Variants in AMPD3 observed in about 807,000 individuals in gnomAD.
AMPD3 encodes adenosine monophosphate deaminase 3.
In AMPD3, 57 loss-of-function variants were observed where a neutral mutation model predicts 82.3. The observed-to-expected ratio is 0.69, with a 90% confidence interval of 0.56 to 0.86. The LOEUF (loss-of-function observed/expected upper bound fraction) is 0.86. AMPD3 is among the 40% of genes least tolerant of loss of function. The pLI, the probability that AMPD3 is intolerant of heterozygous loss-of-function variation, is 0.00. For synonymous variants in AMPD3, 381 were observed against 394.7 expected (o/e 0.97, Z 0.41); for missense variants, 870 against 1,003.8 (o/e 0.87, Z 1.80).
chr11:10,478,228 T>C, intron 2 of AMPD3: 1 of 985,430 alleles, frequency 1.0e-6, no homozygotes, highest in Non-Finnish European at 1.2e-6. Context: ...CCATGTGGTC[T>C]GCCATTTGTC....
In AMPD3 at chr11:10,507,440, A is replaced by G. The variant is rs1223587193; in HGVS notation, c.*1556A>G. On this transcript the variant is annotated 3_prime_UTR_variant, in exon 15 of 15. Coordinates refer to ENST00000396553, the MANE Select transcript of AMPD3 (RefSeq NM_001025389.2). ...TGAAATTGAATGAAAATCCATTGTT[A>G]TCTTAGGGATTAGTTTTGAAAAGCC... 6 of 151,838 alleles carry G rather than the reference A, an allele frequency of 4.0e-5. No homozygotes were observed. The highest frequency in any genetic ancestry group is 1.5e-4 in the African/African-American group (6 of 41,108). The allele number at this position is 151,838 out of a possible 1,614,324, so 9.4% of individuals were successfully genotyped here. A position where few individuals can be genotyped will look rare whatever the true frequency, so the allele number is the denominator to read the frequency against.
upstream of AMPD3, among the ~76,000 whole-genome samples, chr11:10,451,327 T>C (rs1847957495): frequency 6.6e-6 from 1 of 152,232 alleles, no homozygotes; most frequent in South Asian, 2.1e-4. Flanking sequence ...TTAGAGAAAT[T>C]AAGGGACCTG....
At chr11:10,461,208 G>A (rs1195935532) in intron 1 of AMPD3, 3 of 1,260,368 alleles carry the variant, frequency 2.4e-6, no homozygotes, top group African/African-American at 1.5e-5. Flanking sequence ...AGTCAGGAGG[G>A]CAGGGCTGCC....
In AMPD3 at chr11:10,493,461, G is replaced by A. The variant is rs923445722; in HGVS notation, c.1052G>A (p.Arg351Gln). The A allele has an allele frequency of 8.7e-6, 14 of 1,614,216 alleles. No individual in the cohort carries two copies. The highest frequency in any genetic ancestry group is 2.2e-5 in the East Asian group (1 of 44,878). ...AGGACTGTGGCAGAGAAGCGGGGCC[G>A]GAAGATCACCCTGCGGCAGGTGTTT... ...PDRTVAEKRG[R>Q]KITLRQVFDG... The change falls in exon 7 of 15, where the codon CGG (arginine) becomes CAG (glutamine). Residue 351 changes from arginine to glutamine, a missense_variant. Physicochemically the swap from Arg to Gln is conservative, Grantham distance 43 (BLOSUM62 1). Transcript: ENST00000396553.
intron 4 of AMPD3, among the ~76,000 whole-genome samples, chr11:10,482,628 C>G (rs1372078176): frequency 1.3e-5 from 2 of 151,978 alleles, no homozygotes; most frequent in Non-Finnish European, 1.5e-5. Context: ...CCTACCACCT[C>G]AGCCTCTCAA....
At chr11:10,503,054 G>A (rs1309293844) in intron 13 of AMPD3, among the ~76,000 whole-genome samples, 160 bp downstream of exon 13, 2 of 152,196 alleles carry the variant, frequency 1.3e-5, no homozygotes, top group Non-Finnish European at 2.9e-5. Context: ...GGAAAATTGT[G>A]CCATCCAGGA....
At chr11:10,484,786 G>A in intron 4 of AMPD3, 34 bp from the exon 5 acceptor site, 1 of 1,609,298 alleles carries the variant, frequency 6.2e-7, no homozygotes, top group Non-Finnish European at 8.5e-7. Flanking sequence ...ACAAGGTCAG[G>A]GGCACTTTGC....
At chr11:10,460,409 CTTT>C (rs34448488) in intron 1 of AMPD3, among the ~76,000 whole-genome samples, 8 of 142,194 alleles carry the variant, frequency 5.6e-5, no homozygotes, top group Non-Finnish European at 4.6e-5. Flanking sequence ...CCAGAGTATA[CTTT>C]TTTTTTTTTT....
At chr11:10,451,011 C>T (rs1209725409), upstream of AMPD3, 11 of 1,579,556 alleles carry the variant, frequency 7.0e-6, no homozygotes, top group East Asian at 2.3e-5. Context: ...CCGTCCCTTT[C>T]GGCCGGCGGC....
chr11:10,461,664 A>G lies in AMPD3; in HGVS notation c.145A>G (p.Ile49Val), dbSNP rs138403236. 6.2e-7 allele frequency: 1 copy of G among 1,614,256 alleles called. No individual in the cohort carries two copies. The highest frequency in any genetic ancestry group is 8.5e-7 in the Non-Finnish European group (1 of 1,180,044). The change falls in exon 2 of 15, where the codon ATC becomes GTC. Residue 49 changes from isoleucine to valine, a missense_variant. Physicochemically the swap from Ile to Val is conservative, Grantham distance 29. Coordinates refer to ENST00000396553, the MANE Select transcript of AMPD3 (RefSeq NM_001025389.2). ...SLFTVPEDCPIGQKEAKEREL... is the reference protein window; with the variant it reads ...SLFTVPEDCPVGQKEAKEREL... ...GTTCACTGTCCCAGAGGACTGCCCCATCGGGCAAAAGGAAGCCAAGGAGAG... is the reference window on the plus strand; with the variant it reads ...GTTCACTGTCCCAGAGGACTGCCCCGTCGGGCAAAAGGAAGCCAAGGAGAG...
chr11:10,473,474 G>C, intron 2 of AMPD3: 1 of 985,292 alleles, frequency 1.0e-6, no homozygotes, highest in Non-Finnish European at 1.2e-6. Context: ...GGGGAAGGGA[G>C]GATGGAGAAA....
At chr11:10,467,686 G>A (rs775413487) in intron 2 of AMPD3, among the ~76,000 whole-genome samples, 3 of 152,076 alleles carry the variant, frequency 2.0e-5, no homozygotes, top group East Asian at 3.9e-4. Context: ...GATATTCCTC[G>A]AGAAGAGCAA....
chr11:10,493,668 T>A, intron 7 of AMPD3, 125 bp downstream of exon 7: 1 of 1,075,146 alleles, frequency 9.3e-7, no homozygotes, highest in Non-Finnish European at 1.4e-6. Flanking sequence ...CTCTTCTATC[T>A]GACTGAGAGG....
intron 12 of AMPD3, chr11:10,502,014 A>G (rs1849594673): frequency 2.0e-6 from 2 of 985,278 alleles, no homozygotes; most frequent in Admixed American, 1.2e-4. Flanking sequence ...TGTTGGATGA[A>G]GGGTCTGCCA....
chr11:10,497,692 G>T, intron 10 of AMPD3: 3 of 985,090 alleles, frequency 3.0e-6, no homozygotes, highest in Non-Finnish European at 3.6e-6. Flanking sequence ...TCTGGCTGTT[G>T]TGTGGAGTTG....
chr11:10,470,825 TG>T (rs1848567754), intron 2 of AMPD3, among the ~76,000 whole-genome samples: 1 of 152,054 alleles, frequency 6.6e-6, no homozygotes, highest in African/African-American at 2.4e-5. Flanking sequence ...CAAAAACAAA[TG>T]GAAAAACATT....
chr11:10,481,623 A>C (rs938518102), intron 3 of AMPD3: 1 of 536,690 alleles, frequency 1.9e-6, no homozygotes, highest in Admixed American at 6.4e-5. Flanking sequence ...GAAAGGATAC[A>C]GAGCAAATCA....
Position 10,500,194 on chromosome 11 carries a change from A to G in AMPD3, c.1666A>G (p.Ser556Gly). The change falls in exon 11 of 15, where the codon AGC becomes GGC. Residue 556 changes from serine (S) to glycine (G), a missense_variant. By Grantham distance (56) the Ser-to-Gly change is moderately conservative. Coordinates refer to ENST00000396553, the MANE Select transcript of AMPD3 (RefSeq NM_001025389.2). ...GACCAGTGAGCAGAACCCACCCTAC[A>G]GCTACTACCTGTACTACATGTATGC... ...VWTSEQNPPY[S>G]YYLYYMYANI... is the part of the protein sequence containing the mutation. 1 of 1,614,222 alleles carries G rather than the reference A, an allele frequency of 6.2e-7. No individual in the cohort carries two copies. Among genetic ancestry groups the G allele is most frequent in the Non-Finnish European group, 8.5e-7 (1 of 1,180,026 alleles).
chr11:10,483,854 A>T (rs12271597), intron 4 of AMPD3, among the ~76,000 whole-genome samples: 5 of 152,044 alleles, frequency 3.3e-5, no homozygotes, highest in South Asian at 4.1e-4. Context: ...GCAGATCTTG[A>T]GGTTTGCTCC....
Sources: gnomAD v4.1 joint callset for allele counts (sites outside exome capture counted in the v4.1 genomes callset) on GRCh38, gnomAD v4.1.1 for gene constraint, MANE v1.5 for transcripts, NCBI Gene and HGNC (gene_info 2026-07-23, HGNC 2026-07-21) for gene names.